Variants in CLDN10 observed in about 807,000 individuals in gnomAD.
CLDN10 encodes the protein claudin-10.
Under a neutral mutation model 22.9 loss-of-function variants are expected in CLDN10, and 15 were observed. The ratio of observed to expected loss-of-function variants is 0.65; its 90% CI spans 0.44 to 1.01. The LOEUF is 1.01. Among genes scored for constraint, CLDN10 ranks in the 50% least tolerant of loss-of-function variants. CLDN10 has a pLI of 0.00. For synonymous variants in CLDN10, 114 were observed against 111.4 expected (o/e 1.02, Z -0.15); for missense variants, 247 against 287.8 (o/e 0.86, Z 1.03).
At position 95,560,257 on chromosome 13, in the gene CLDN10, A is replaced by G; in HGVS notation, c.346A>G (p.Ile116Val). The G allele has an allele frequency of 2.5e-6, 4 of 1,614,198 alleles. No homozygotes were observed. Among genetic ancestry groups the G allele is most frequent in the Non-Finnish European group, 3.4e-6 (4 of 1,180,020 alleles). ...AGGCTCCGATAAAGCCAAAGCTAAA[A>G]TTGCTTGTTTGGCTGGGATTGTATT... is the stretch of plus-strand genomic sequence containing the variant. ...VGGSDKAKAK[I>V]ACLAGIVFIL... The change falls in exon 2 of 5, where the codon ATT (isoleucine) becomes GTT (valine). Residue 116 changes from isoleucine to valine, a missense_variant. Ile to Val is a conservative substitution (Grantham distance 29). Transcript: ENST00000299339.
At chr13:95,506,216 C>G (rs1432249987) in intron 1 of CLDN10, among the ~76,000 whole-genome samples, 2 of 151,934 alleles carry the variant, frequency 1.3e-5, no homozygotes, top group Non-Finnish European at 1.5e-5. Context: ...TCTCATCAGC[C>G]CTGTCTACAC....
At chr13:95,520,033 C>T (rs939605358) in intron 1 of CLDN10, among the ~76,000 whole-genome samples, 3 of 152,122 alleles carry the variant, frequency 2.0e-5, no homozygotes, top group African/African-American at 7.2e-5. Flanking sequence ...TGTGTGTGCA[C>T]GTGCGTACGC....
chr13:95,445,447 T>C (rs898778943), intron 1 of CLDN10, among the ~76,000 whole-genome samples: 2 of 152,228 alleles, frequency 1.3e-5, no homozygotes, highest in African/African-American at 4.8e-5. Context: ...TATTTTGTGT[T>C]AGAATCTGAG....
chr13:95,454,010 C>T (rs972498978), intron 1 of CLDN10, among the ~76,000 whole-genome samples: 1 of 152,144 alleles, frequency 6.6e-6, no homozygotes, highest in African/African-American at 2.4e-5. Flanking sequence ...TCCAAGGGTC[C>T]CAAGCGTGGT....
chr13:95,490,305 T>C (rs1456873200), intron 1 of CLDN10, among the ~76,000 whole-genome samples: 1 of 152,170 alleles, frequency 6.6e-6, no homozygotes, highest in East Asian at 1.9e-4. Context: ...AGATTGCTTT[T>C]GGCAGTATGG....
intron 1 of CLDN10, among the ~76,000 whole-genome samples, chr13:95,441,352 C>T (rs1482639078): frequency 1.3e-5 from 2 of 152,242 alleles, no homozygotes; most frequent in East Asian, 1.9e-4. Flanking sequence ...TTAAGCAATC[C>T]TCCCATCTCA....
intron 1 of CLDN10, among the ~76,000 whole-genome samples, chr13:95,442,471 G>C (rs1323609080): frequency 6.6e-6 from 1 of 152,190 alleles, no homozygotes; most frequent in Non-Finnish European, 1.5e-5. Flanking sequence ...TTTGCACTTA[G>C]GATTTGCTAT....
intron 1 of CLDN10, among the ~76,000 whole-genome samples, chr13:95,441,501 A>T (rs771149862): frequency 3.3e-5 from 5 of 152,144 alleles, no homozygotes; most frequent in Non-Finnish European, 5.9e-5. Flanking sequence ...TCAGCCTCCC[A>T]AAGTGCTGGG....
intron 1 of CLDN10, among the ~76,000 whole-genome samples, chr13:95,453,799 G>C (rs1713666847): frequency 6.6e-6 from 1 of 152,104 alleles, no homozygotes; most frequent in South Asian, 2.1e-4. Context: ...ACATTTCTGT[G>C]TATGAGCTCT....
At chr13:95,555,133 C>T (rs535821496) in intron 1 of CLDN10, among the ~76,000 whole-genome samples, 1 of 150,162 alleles carries the variant, frequency 6.7e-6, no homozygotes, top group Non-Finnish European at 1.5e-5. Flanking sequence ...CGACTGCAAC[C>T]TCCGCCTCCC....
intron 3 of CLDN10, among the ~76,000 whole-genome samples, chr13:95,567,885 G>T (rs1407551045): frequency 6.6e-6 from 1 of 152,178 alleles, no homozygotes; most frequent in Non-Finnish European, 1.5e-5. Flanking sequence ...TAATCATGTG[G>T]TTTTTGTCGT....
intron 1 of CLDN10, among the ~76,000 whole-genome samples, chr13:95,525,184 A>G (rs2043268285): frequency 1.3e-5 from 2 of 152,056 alleles, no homozygotes; most frequent in South Asian, 4.1e-4. Context: ...AATTAAAGCT[A>G]TCTTAGTATG....
intron 1 of CLDN10, among the ~76,000 whole-genome samples, chr13:95,559,856 C>G (rs1389625085): frequency 1.3e-5 from 2 of 152,136 alleles, no homozygotes; most frequent in African/African-American, 4.8e-5. Context: ...AGTCACATAA[C>G]CTTTGTGTGC....
intron 1 of CLDN10, among the ~76,000 whole-genome samples, chr13:95,495,571 C>A (rs1462413039): frequency 6.6e-6 from 1 of 150,774 alleles, no homozygotes; most frequent in Non-Finnish European, 1.5e-5. Context: ...AGTGAAACCC[C>A]GTCTCTACTA....
intron 1 of CLDN10, among the ~76,000 whole-genome samples, chr13:95,543,301 T>G (rs942422832): frequency 1.3e-5 from 2 of 152,120 alleles, no homozygotes; most frequent in African/African-American, 4.8e-5. Context: ...CAGCCAGAGC[T>G]TTTCAGGTGC....
At chr13:95,523,622 T>A (rs575093967) in intron 1 of CLDN10, among the ~76,000 whole-genome samples, 25 of 152,338 alleles carry the variant, frequency 1.6e-4, no homozygotes, top group African/African-American at 5.5e-4. Flanking sequence ...GTTCTTCTTT[T>A]TTAGAGATAG....
intron 1 of CLDN10, among the ~76,000 whole-genome samples, chr13:95,488,079 G>A (rs9590287): frequency 0.53 from 79,758 of 150,048 alleles, 21,596 homozygotes; most frequent in African/African-American, 0.63. Flanking sequence ...TCCACCTCCC[G>A]GGTTCAAGCA....
intron 1 of CLDN10, among the ~76,000 whole-genome samples, chr13:95,442,873 G>T (rs554780492): frequency 1.3e-5 from 2 of 152,170 alleles, no homozygotes; most frequent in Non-Finnish European, 2.9e-5. Flanking sequence ...TGTTGTCAGG[G>T]TTAAATGAAA....
At chr13:95,553,507 AAAAC>A (rs1193182012) in intron 1 of CLDN10, among the ~76,000 whole-genome samples, 4 of 152,224 alleles carry the variant, frequency 2.6e-5, no homozygotes, top group African/African-American at 9.7e-5. Context: ...TGGAAGCGGG[AAAAC>A]ATATTGCAGA....
Sources: gnomAD v4.1 joint callset for allele counts (sites outside exome capture counted in the v4.1 genomes callset) on GRCh38, gnomAD v4.1.1 for gene constraint, MANE v1.5 for transcripts, NCBI Gene and HGNC (gene_info 2026-07-23, HGNC 2026-07-21) for gene names.